Variants in CEMIP observed in about 807,000 individuals in gnomAD.
The protein encoded by CEMIP is cell migration inducing hyaluronidase 1, also known as cell migration-inducing and hyaluronan-binding protein.
Under a neutral mutation model 156.9 loss-of-function variants are expected in CEMIP, and 105 were observed. The observed-to-expected ratio is 0.67, with a 90% CI of 0.57 to 0.79. CEMIP has a LOEUF of 0.79. CEMIP is among the 30% of genes least tolerant of loss of function. CEMIP has a pLI of 0.00. For missense variants in CEMIP, 1,457 were observed against 1,769.4 expected, an observed-to-expected ratio of 0.82 and a Z score of 3.17; for synonymous variants, 676 against 668.4, an observed-to-expected ratio of 1.01 and a Z score of -0.17.
rs539715484 is a variant in CEMIP at position 80,924,565 on chromosome 15, G to A, written c.2203-56G>A. 51 of 1,473,592 alleles carry A rather than the reference G, an allele frequency of 3.5e-5. No homozygotes were observed. In the East Asian group the frequency reaches 4.3e-4, roughly 12 times the overall value. 91.3% of individuals were successfully genotyped at this position (1,473,592 alleles called of 1,614,324 possible). A position where few individuals can be genotyped will look rare whatever the true frequency, so the allele number is the denominator to read the frequency against. The stretch of plus-strand genomic sequence containing the variant: ...TATGCAGTGAGGCTGACTGTGAGAC[G>A]ATGCCTGTAGCCCACAGTAGAAACT... On this transcript the variant is annotated intron_variant, in intron 17 of 29. Transcript: ENST00000394685.
In CEMIP at chr15:80,912,294, A is replaced by C. The variant is rs115523695; in HGVS notation, c.1797+2988A>C. 4.5e-3 allele frequency among the ~76,000 whole-genome samples: 683 copies of C among 152,242 alleles called. 8 individuals carry two copies. The highest frequency in any genetic ancestry group is 0.017 in the Middle Eastern group (5 of 292). ...TCACTTCTACCCACAGTGGAGGTGGACTCTTGTAGCCAGAGCTGTGGACAA... is the reference window on the plus strand; with the variant it reads ...TCACTTCTACCCACAGTGGAGGTGGCCTCTTGTAGCCAGAGCTGTGGACAA... On this transcript the variant is annotated intron_variant, in intron 14 of 29. Coordinates refer to ENST00000394685, the MANE Select transcript of CEMIP (RefSeq NM_001293298.2).
intron 1 of CEMIP, among the ~76,000 whole-genome samples, chr15:80,793,129 G>A (rs756399554): frequency 6.6e-6 from 1 of 152,188 alleles, no homozygotes; most frequent in Non-Finnish European, 1.5e-5. Context: ...CGTTGGAGCT[G>A]CAGGTTTTGA....
chr15:80,873,835 A>G (rs766401216), intron 2 of CEMIP, 29 bp from the exon 3 acceptor site: 63 of 1,506,158 alleles, frequency 4.2e-5, no homozygotes, highest in Non-Finnish European at 5.3e-5. Context: ...CCAAGGCTGC[A>G]TGTCTGACTC....
At chr15:80,920,376 C>A (rs1900428417) in intron 15 of CEMIP, 77 bp downstream of exon 15, 1 of 1,357,058 alleles carries the variant, frequency 7.4e-7, no homozygotes, top group South Asian at 1.3e-5. Context: ...TCAGCTCAGC[C>A]CAGCACCAGA....
intron 1 of CEMIP, among the ~76,000 whole-genome samples, chr15:80,830,080 A>G (rs12898860): frequency 0.22 from 33,416 of 150,940 alleles, 3,944 homozygotes; most frequent in East Asian, 0.4. Context: ...TTTATGTTAT[A>G]AGGGGATCTG....
At chr15:80,912,299 T>C (rs1018728310) in intron 14 of CEMIP, among the ~76,000 whole-genome samples, 2 of 152,222 alleles carry the variant, frequency 1.3e-5, no homozygotes, top group African/African-American at 2.4e-5. Context: ...GGTGGACTCT[T>C]GTAGCCAGAG....
At chr15:80,810,138 T>C (rs1442038934) in intron 1 of CEMIP, among the ~76,000 whole-genome samples, 1 of 152,182 alleles carries the variant, frequency 6.6e-6, no homozygotes, top group African/African-American at 2.4e-5. Context: ...TGCCACACAA[T>C]TGATACATTG....
chr15:80,878,589 G>T, intron 3 of CEMIP, 132 bp from the exon 4 acceptor site: 2 of 1,159,642 alleles, frequency 1.7e-6, no homozygotes, highest in Non-Finnish European at 2.5e-6. Flanking sequence ...AGCTCTCTAA[G>T]GTCTTGCTTT....
chr15:80,895,992 T>G lies in CEMIP; in HGVS notation c.1343T>G (p.Met448Arg). ...GTCATTGCCAGTACTGATTACTCCATGTACCAGGCAGAAGAGTTCCAGGTG... is the reference window on the plus strand; with the variant it reads ...GTCATTGCCAGTACTGATTACTCCAGGTACCAGGCAGAAGAGTTCCAGGTG... ...TLVIASTDYS[M>R]YQAEEFQVLP... The change falls in exon 12 of 30, where the codon ATG becomes AGG. Residue 448 changes from methionine (M) to arginine (R), a missense_variant. Met to Arg is a moderately conservative substitution (Grantham distance 91). Around this residue, in one of 5 missense-constraint regions of CEMIP, gnomAD observed 280 missense variants for 300.3 expected, o/e 0.93. Transcript: ENST00000394685. The G allele has an allele frequency of 6.2e-7, 1 of 1,614,196 alleles. No homozygotes were observed. Among genetic ancestry groups the G allele is most frequent in the Non-Finnish European group, 8.5e-7 (1 of 1,180,022 alleles).
chr15:80,812,636 T>C (rs2141629822), intron 1 of CEMIP, among the ~76,000 whole-genome samples: 1 of 152,334 alleles, frequency 6.6e-6, no homozygotes, highest in East Asian at 1.9e-4. Context: ...TTTGATATTT[T>C]AAATTACATT....
chr15:80,807,907 G>T (rs1596102988), intron 1 of CEMIP, among the ~76,000 whole-genome samples: 1 of 152,114 alleles, frequency 6.6e-6, no homozygotes. Context: ...ATGTGTCAGG[G>T]AGCACCTGTG....
chr15:80,855,365 ACAG>A (rs1353291848), intron 1 of CEMIP, among the ~76,000 whole-genome samples: 2 of 152,182 alleles, frequency 1.3e-5, no homozygotes, highest in Non-Finnish European at 2.9e-5. Context: ...GAACTTGCAC[ACAG>A]CAGATGAGTG....
chr15:80,797,504 A>G (rs1896259939), intron 1 of CEMIP, among the ~76,000 whole-genome samples: 1 of 152,206 alleles, frequency 6.6e-6, no homozygotes, highest in Non-Finnish European at 1.5e-5. Flanking sequence ...ACCAACATCC[A>G]GTCCCTCTTT....
rs1183040479 is a variant in CEMIP at position 80,914,841 on chromosome 15, C to T, written c.1798-5253C>T. Reference sequence around the variant, plus strand: ...ATGCAGAGCTGGCTGTATGGGAGACCGGAGTTTTTTTTATTACTCAGATCA... The same window carrying T: ...ATGCAGAGCTGGCTGTATGGGAGACTGGAGTTTTTTTTATTACTCAGATCA... On this transcript the variant is annotated intron_variant, in intron 14 of 29. Transcript: ENST00000394685. Among the ~76,000 whole-genome samples the T allele has an allele frequency of 7.9e-5, 5 of 63,688 alleles. No homozygotes were observed. The East Asian group carries it at 1.8e-3, about 22-fold the overall frequency. The allele number at this position is 63,688 out of a possible 152,430, so 41.8% of individuals were successfully genotyped here.
intron 3 of CEMIP, among the ~76,000 whole-genome samples, chr15:80,878,449 C>T (rs1038851128): frequency 5.9e-5 from 9 of 152,168 alleles, no homozygotes; most frequent in Non-Finnish European, 1.0e-4. Flanking sequence ...ATCTGGTCTA[C>T]GCTTTATTTA....
At chr15:80,852,504 G>A (rs764343439) in intron 1 of CEMIP, among the ~76,000 whole-genome samples, 3 of 152,072 alleles carry the variant, frequency 2.0e-5, no homozygotes, top group East Asian at 1.9e-4. Flanking sequence ...TAATAGTTGC[G>A]TATCGAAGAC....
intron 13 of CEMIP, among the ~76,000 whole-genome samples, 169 bp from the exon 14 acceptor site, chr15:80,908,928 A>G (rs952848298): frequency 2.6e-5 from 4 of 152,230 alleles, no homozygotes; most frequent in Non-Finnish European, 5.9e-5. Flanking sequence ...CCACAGTATA[A>G]GAAGGGCCAG....
intron 1 of CEMIP, among the ~76,000 whole-genome samples, chr15:80,864,151 G>A (rs1281071105): frequency 2.6e-5 from 4 of 152,288 alleles, no homozygotes; most frequent in Non-Finnish European, 2.9e-5. Context: ...AAGGCTTACT[G>A]TTCCAGGACC....
At chr15:80,821,079 C>T (rs1896897691) in intron 1 of CEMIP, among the ~76,000 whole-genome samples, 1 of 152,180 alleles carries the variant, frequency 6.6e-6, no homozygotes, top group African/African-American at 2.4e-5. Context: ...ACAACTGGCT[C>T]TGTGCTGGTT....
Sources: gnomAD v4.1 joint callset for allele counts (sites outside exome capture counted in the v4.1 genomes callset) on GRCh38, gnomAD v4.1.1 for gene constraint, gnomAD v4.1.1 regional missense constraint, MANE v1.5 for transcripts, NCBI Gene and HGNC (gene_info 2026-07-23, HGNC 2026-07-21) for gene names.